The following TBC1D19 variants were observed in gnomAD, a reference collection of about 807,000 sequenced individuals.
TBC1D19 encodes the protein TBC1 domain family member 19, also known as TBC1 domain family, member 19.
A neutral mutation model predicts 89.0 loss-of-function variants in TBC1D19; 60 were observed. That is an observed-to-expected ratio of 0.67 (90% confidence interval 0.55 to 0.84). The LOEUF is 0.84. Ranked by LOEUF, TBC1D19 falls within the 40% of genes least tolerant of loss-of-function variation. The pLI is 0.00. For missense variants in TBC1D19, 500 were observed against 610.8 expected, an observed-to-expected ratio of 0.82 and a Z score of 1.91; for synonymous variants, 189 against 199.7, an observed-to-expected ratio of 0.95 and a Z score of 0.45.
At chr4:26,653,730 A>G (rs1455247887) in intron 7 of TBC1D19, among the ~76,000 whole-genome samples, 1 of 152,046 alleles carries the variant, frequency 6.6e-6, no homozygotes, top group Non-Finnish European at 1.5e-5. Context: ...TGCTTGGTAG[A>G]TCTTCCTCCA....
chr4:26,642,883 T>C (rs533377795), intron 7 of TBC1D19, among the ~76,000 whole-genome samples: 3 of 152,228 alleles, frequency 2.0e-5, no homozygotes, highest in Non-Finnish European at 4.4e-5. Context: ...GAGCTAATTA[T>C]CCTAAATATA....
At chr4:26,667,399 G>A (rs923121352) in intron 9 of TBC1D19, among the ~76,000 whole-genome samples, 1 of 151,862 alleles carries the variant, frequency 6.6e-6, no homozygotes, top group Non-Finnish European at 1.5e-5. Context: ...TCTGATTTCT[G>A]GCAGCACAGA....
At chr4:26,806,472 A>T in the TBC1D19 span, among the ~76,000 whole-genome samples, 3 of 152,200 alleles carry the variant, frequency 2.0e-5, no homozygotes, top group Non-Finnish European at 2.9e-5. Context: ...GCTCATGCTA[A>T]TCTCATGGAA....
chr4:26,718,910 T>C (rs1044906803), intron 14 of TBC1D19, among the ~76,000 whole-genome samples: 2 of 152,070 alleles, frequency 1.3e-5, no homozygotes, highest in Non-Finnish European at 2.9e-5. Flanking sequence ...CTAACTTTGC[T>C]TCCCTGATTA....
chr4:26,699,780 A>G (rs554112292), intron 13 of TBC1D19, among the ~76,000 whole-genome samples: 24 of 149,698 alleles, frequency 1.6e-4, no homozygotes, highest in African/African-American at 5.7e-4. Context: ...ACCAAACACC[A>G]CATGTTCTCA....
downstream of TBC1D19, among the ~76,000 whole-genome samples, chr4:26,758,563 GC>G (rs1401585699): frequency 6.6e-6 from 1 of 152,158 alleles, no homozygotes; most frequent in Non-Finnish European, 1.5e-5. Flanking sequence ...ACCAATGAGA[GC>G]TAGTGAAACT....
the TBC1D19 span, among the ~76,000 whole-genome samples, chr4:26,843,736 A>G: frequency 6.6e-6 from 1 of 152,170 alleles, no homozygotes; most frequent in African/African-American, 2.4e-5. Context: ...GTAATTTACA[A>G]AGAAAAGAGG....
At chr4:26,613,088 T>C in intron 1 of TBC1D19, 81 bp from the exon 2 acceptor site, 5 of 1,028,580 alleles carry the variant, frequency 4.9e-6, no homozygotes, top group Admixed American at 2.9e-5. Context: ...TTTCCTTTGT[T>C]CTAAATATCA....
chr4:26,619,850 T>C (rs529911433), intron 3 of TBC1D19, among the ~76,000 whole-genome samples: 2 of 152,334 alleles, frequency 1.3e-5, no homozygotes, highest in African/African-American at 4.8e-5. Context: ...TTGAAAATTA[T>C]TAACCTTTTA....
chr4:26,676,554 C>T (rs529529305), intron 11 of TBC1D19, among the ~76,000 whole-genome samples: 1 of 151,970 alleles, frequency 6.6e-6, no homozygotes, highest in African/African-American at 2.4e-5. Context: ...CCTGACTCTA[C>T]TAAAAATACA....
At chr4:26,761,047 T>G (rs1250901570), downstream of TBC1D19, among the ~76,000 whole-genome samples, 1 of 152,240 alleles carries the variant, frequency 6.6e-6, no homozygotes, top group Non-Finnish European at 1.5e-5. Context: ...CTGGACCCTC[T>G]ATTCTGTTCA....
the TBC1D19 span, among the ~76,000 whole-genome samples, chr4:26,835,777 C>G: frequency 6.6e-6 from 1 of 152,182 alleles, no homozygotes; most frequent in African/African-American, 2.4e-5. Context: ...TGTCACGTTT[C>G]TACTATAAAC....
chr4:26,815,890 G>A, the TBC1D19 span, among the ~76,000 whole-genome samples: 2 of 152,162 alleles, frequency 1.3e-5, no homozygotes, highest in East Asian at 1.9e-4. Context: ...ATAGGACTAG[G>A]TTCTAGTTCA....
intron 1 of TBC1D19, among the ~76,000 whole-genome samples, chr4:26,608,599 A>C (rs1560414573): frequency 6.6e-6 from 1 of 152,170 alleles, no homozygotes. Context: ...TAAAGTACTG[A>C]AAGTGTTTAG....
Position 26,754,983 on chromosome 4 carries a change from T to C in TBC1D19, c.*36T>C. 6.4e-7 allele frequency: 1 copy of C among 1,567,718 alleles called. No homozygotes were observed. The highest frequency in any genetic ancestry group is 8.6e-7 in the Non-Finnish European group (1 of 1,158,238). On this transcript the variant is annotated 3_prime_UTR_variant, in exon 21 of 21. Transcript: ENST00000264866. ...AGTCACTGGCAACACATCTAGTTTT[T>C]CATTAGAAACAAATCATGAACTATG...
the TBC1D19 span, among the ~76,000 whole-genome samples, chr4:26,833,613 A>G: frequency 6.6e-6 from 1 of 152,248 alleles, no homozygotes; most frequent in Non-Finnish European, 1.5e-5. Context: ...TTTCTAAAGC[A>G]TCTTAAAGCA....
intron 7 of TBC1D19, among the ~76,000 whole-genome samples, chr4:26,651,605 A>C (rs1045520957): frequency 4.6e-5 from 7 of 152,096 alleles, no homozygotes; most frequent in African/African-American, 1.7e-4. Context: ...GCTTAAGGAG[A>C]TTTTGGGCTG....
the TBC1D19 span, among the ~76,000 whole-genome samples, chr4:26,770,482 A>AAT: frequency 6.6e-6 from 1 of 152,116 alleles, no homozygotes; most frequent in Non-Finnish European, 1.5e-5. Flanking sequence ...TTATTGGTGG[A>AAT]ATGAGTAAGT....
chr4:26,795,643 A>G, the TBC1D19 span, among the ~76,000 whole-genome samples: 1 of 152,142 alleles, frequency 6.6e-6, no homozygotes, highest in Non-Finnish European at 1.5e-5. Flanking sequence ...AGTCCTGGGC[A>G]CAGAGGGATG....
Sources: allele counts gnomAD v4.1 joint callset (sites outside exome capture counted in the v4.1 genomes callset), GRCh38; gene constraint gnomAD v4.1.1; transcripts MANE v1.5; gene names NCBI Gene and HGNC (gene_info 2026-07-23, HGNC 2026-07-21).